The following UPF2 variants were observed in gnomAD, a reference collection of about 807,000 sequenced individuals.
UPF2 encodes regulator of nonsense transcripts 2.
A neutral mutation model predicts 141.4 loss-of-function variants in UPF2; 17 were observed. The observed-to-expected ratio is 0.12, with a 90% CI of 0.08 to 0.18. UPF2 has a LOEUF of 0.18. Ranked by LOEUF, UPF2 falls within the 10% of genes least tolerant of loss-of-function variation. The probability of loss-of-function intolerance (pLI) is 1.00; values close to 1 mark genes in which losing one functional copy is unlikely to be tolerated. For missense variants in UPF2, 1,152 were observed against 1,515.9 expected, an observed-to-expected ratio of 0.76 and a Z score of 3.99; for synonymous variants, 540 against 498.0, an observed-to-expected ratio of 1.08 and a Z score of -1.12.
intron 8 of UPF2, among the ~76,000 whole-genome samples, chr10:11,990,982 T>TC (rs1833770059): frequency 7.9e-6 from 1 of 126,534 alleles, no homozygotes; most frequent in Non-Finnish European, 1.6e-5. Flanking sequence ...AGAGCAAGAC[T>TC]CCATCTCAAA....
chr10:11,984,960 G>C (rs567338761), intron 8 of UPF2, among the ~76,000 whole-genome samples: 3 of 152,228 alleles, frequency 2.0e-5, no homozygotes, highest in African/African-American at 7.2e-5. Context: ...TGATCCACCC[G>C]CCTCGGCCTC....
chr10:11,952,309 T>C lies in UPF2; in HGVS notation c.2851-60A>G, dbSNP rs529447589. 17 of 1,404,336 alleles carry C rather than the reference T, an allele frequency of 1.2e-5. No homozygotes were observed. In the African/African-American group the frequency reaches 2.0e-4, roughly 17 times the overall value. 87.0% of individuals were successfully genotyped at this position (1,404,336 alleles called of 1,614,324 possible). A position where few individuals can be genotyped will look rare whatever the true frequency, so the allele number is the denominator to read the frequency against. ...AAATTAGTAACAAAATATTTTAAAA[T>C]AATAAACTATATTGTGCTGTTTCCC... On this transcript the variant is annotated intron_variant, in intron 14 of 21. Transcript: ENST00000357604.
intron 7 of UPF2, 34 bp from the exon 8 acceptor site, chr10:11,997,791 C>A: frequency 6.3e-7 from 1 of 1,583,928 alleles, no homozygotes; most frequent in Non-Finnish European, 8.7e-7. Context: ...TCTTTAAAAA[C>A]CTCTAATTAG....
At chr10:12,007,824 C>T (rs1834059338) in intron 4 of UPF2, among the ~76,000 whole-genome samples, 1 of 129,240 alleles carries the variant, frequency 7.7e-6, no homozygotes, top group Non-Finnish European at 1.7e-5. Flanking sequence ...CAGCAAGGCG[C>T]CGTCTCAAAG....
At position 11,936,515 on chromosome 10, in the gene UPF2, G is replaced by C; in HGVS notation, c.3546+30C>G. 6.4e-7 allele frequency: 1 copy of C among 1,567,694 alleles called. No homozygotes were observed. The highest frequency in any genetic ancestry group is 1.2e-5 in the South Asian group (1 of 81,650). On this transcript the variant is annotated intron_variant, in intron 19 of 21. Transcript: ENST00000357604. The surrounding 1 kb of genome is among the most constrained non-coding windows in gnomAD (Gnocchi z 6.6). The stretch of plus-strand genomic sequence containing the variant: ...AACCTAACTGTATAACTCACAATCA[G>C]CTATAATTACAGGGCGGGCAGTTTC...
chr10:12,039,349 T>G (rs1353810065), intron 1 of UPF2, among the ~76,000 whole-genome samples: 1 of 152,100 alleles, frequency 6.6e-6, no homozygotes, highest in Non-Finnish European at 1.5e-5. Flanking sequence ...CCCACAGAAT[T>G]ATGAATCTCA....
intron 11 of UPF2, among the ~76,000 whole-genome samples, chr10:11,962,533 A>T (rs1354209212): frequency 1.3e-5 from 2 of 151,960 alleles, no homozygotes; most frequent in Non-Finnish European, 2.9e-5. Context: ...CCTCTCCCCA[A>T]CCATCCATAC....
intron 14 of UPF2, among the ~76,000 whole-genome samples, chr10:11,952,918 C>T (rs920623948): frequency 2.0e-5 from 3 of 152,174 alleles, no homozygotes; most frequent in Admixed American, 6.5e-5. Context: ...AATTCAAAGC[C>T]ATCGTTGTGA....
At chr10:11,932,275 T>A (rs1296127248) in intron 19 of UPF2, among the ~76,000 whole-genome samples, 1 of 152,178 alleles carries the variant, frequency 6.6e-6, no homozygotes. Context: ...CCTTTTTAGG[T>A]TCCTGATGAT....
chr10:11,965,225 A>G (rs56788376), intron 10 of UPF2, among the ~76,000 whole-genome samples: 4,412 of 152,290 alleles, frequency 0.029, 198 homozygotes, highest in African/African-American at 0.097. Context: ...CTGTGTCAAA[A>G]AAGTGTATAT....
At position 11,992,607 on chromosome 10, in the gene UPF2, C is replaced by A. The variant is rs1833798289; in HGVS notation, c.1844+5065G>T. On this transcript the variant is annotated intron_variant, in intron 8 of 21. Coordinates refer to ENST00000357604, the MANE Select transcript of UPF2 (RefSeq NM_015542.4). This position sits in a 1 kb window ranked among gnomAD's most constrained non-coding sequence, Gnocchi z 4.1. The stretch of plus-strand genomic sequence containing the variant: ...CACTAAATTAAAAAATATAAAAGAC[C>A]ACATAATGAAAGACTTTTAGGAATT... Among the ~76,000 whole-genome samples the A allele has an allele frequency of 6.6e-6, 1 of 151,924 alleles. No homozygotes were observed. Among genetic ancestry groups the A allele is most frequent in the African/African-American group, 2.4e-5 (1 of 41,358 alleles).
rs1011010685 is a variant in UPF2, at chr10:11,940,795, C to G, written c.3378+1870G>C. Among the ~76,000 whole-genome samples the G allele has an allele frequency of 4.6e-5, 7 of 152,250 alleles. No homozygotes were observed. Among genetic ancestry groups the G allele is most frequent in the African/African-American group, 1.7e-4 (7 of 41,462 alleles). Reference sequence around the variant, plus strand: ...CAGGCTCCCTGCTTTTAGCCTTGCCCTGGTGGGTACCTCTGCCCTCCCACA... The same window carrying G: ...CAGGCTCCCTGCTTTTAGCCTTGCCGTGGTGGGTACCTCTGCCCTCCCACA... On this transcript the variant is annotated intron_variant, in intron 18 of 21. Transcript: ENST00000357604. This position sits in a 1 kb window ranked among gnomAD's most constrained non-coding sequence, Gnocchi z 4.2.
At chr10:11,983,046 G>C (rs1295230072) in intron 8 of UPF2, among the ~76,000 whole-genome samples, 3 of 152,162 alleles carry the variant, frequency 2.0e-5, no homozygotes, top group African/African-American at 7.2e-5. Context: ...CAGTTCACCA[G>C]CACTCAAACA....
chr10:11,998,757 G>A lies in UPF2; in HGVS notation c.1759-1000C>T, dbSNP rs1049301774. Among the ~76,000 whole-genome samples, 1 of 152,152 alleles carries A rather than the reference G, an allele frequency of 6.6e-6. No individual in the cohort carries two copies. Among genetic ancestry groups the A allele is most frequent in the African/African-American group, 2.4e-5 (1 of 41,428 alleles). ...TAGTCCCAGCTACTCGGGAGGCTGA[G>A]GCAGGAGAATGGCGTGAACCCGGGA... On this transcript the variant is annotated intron_variant, in intron 7 of 21. Coordinates refer to ENST00000357604, the MANE Select transcript of UPF2 (RefSeq NM_015542.4). The surrounding 1 kb of genome is among the most constrained non-coding windows in gnomAD (Gnocchi z 4.5).
chr10:11,993,978 G>A (rs1243110535), intron 8 of UPF2, among the ~76,000 whole-genome samples: 3 of 151,962 alleles, frequency 2.0e-5, no homozygotes, highest in Non-Finnish European at 4.4e-5. Flanking sequence ...AACAGAGCAG[G>A]ACCCTGTCTC....
intron 15 of UPF2, among the ~76,000 whole-genome samples, chr10:11,951,631 G>A (rs563665535): frequency 1.3e-5 from 2 of 152,190 alleles, no homozygotes; most frequent in Non-Finnish European, 2.9e-5. Flanking sequence ...CTGAAATCCT[G>A]TAGGGTAGAG....
Position 12,003,653 on chromosome 10 carries a change from C to T in UPF2, c.1504+877G>A, listed in dbSNP as rs191952726. 5.0e-3 allele frequency among the ~76,000 whole-genome samples: 755 copies of T among 152,222 alleles called. 19 individuals are homozygous for T. The highest frequency in any genetic ancestry group is 1.6e-3 in the Non-Finnish European group (108 of 68,024). On this transcript the variant is annotated intron_variant, in intron 5 of 21. Coordinates refer to ENST00000357604, the MANE Select transcript of UPF2 (RefSeq NM_015542.4). ...CGTTTAGGAATGCATAGGCTGAGCGCGGTGGCTCACGCCTGTAATCCCAGC... is the reference window on the plus strand; with the variant it reads ...CGTTTAGGAATGCATAGGCTGAGCGTGGTGGCTCACGCCTGTAATCCCAGC...
intron 19 of UPF2, among the ~76,000 whole-genome samples, chr10:11,932,943 T>A (rs1281259395): frequency 6.6e-6 from 1 of 152,218 alleles, no homozygotes; most frequent in African/African-American, 2.4e-5. Flanking sequence ...TGTTATGCAT[T>A]TGTTTGAATA....
At chr10:11,957,420 C>G (rs142496026) in intron 12 of UPF2, among the ~76,000 whole-genome samples, 1 of 152,004 alleles carries the variant, frequency 6.6e-6, no homozygotes, top group African/African-American at 2.4e-5. Flanking sequence ...CAGAGCGAGA[C>G]TCCATCTCAA....
Sources: allele counts gnomAD v4.1 joint callset (sites outside exome capture counted in the v4.1 genomes callset), GRCh38; gene constraint gnomAD v4.1.1; non-coding constraint Gnocchi (gnomAD v3.1); transcripts MANE v1.5; gene names NCBI Gene and HGNC (gene_info 2026-07-23, HGNC 2026-07-21).